The following SDK1 variants were observed in gnomAD, a reference collection of about 807,000 sequenced individuals.
SDK1 encodes sidekick cell adhesion molecule 1, also known as protein sidekick-1.
A neutral mutation model predicts 245.5 loss-of-function variants in SDK1; 157 were observed. The ratio of observed to expected loss-of-function variants is 0.64; its 90% CI spans 0.56 to 0.73. SDK1 has a LOEUF of 0.73. Among genes scored for constraint, SDK1 ranks in the 30% least tolerant of loss-of-function variants. SDK1 has a pLI of 0.00. For missense variants in SDK1, 3,583 were observed against 3,002.3 expected (o/e 1.19, Z -4.52); for synonymous variants, 1,647 against 1,278.5 (o/e 1.29, Z -6.15).
At chr7:3,365,675 A>G (rs557441069) in intron 1 of SDK1, among the ~76,000 whole-genome samples, 1 of 152,224 alleles carries the variant, frequency 6.6e-6, no homozygotes, top group Admixed American at 6.5e-5. Context: ...TGAAGGGCAT[A>G]GTCCTTTCAA....
At chr7:3,550,345 A>G (rs914892267) in intron 1 of SDK1, among the ~76,000 whole-genome samples, 4 of 152,174 alleles carry the variant, frequency 2.6e-5, no homozygotes, top group Admixed American at 2.0e-4. Context: ...TTCTAAATGT[A>G]GTCTCCAGAT....
At chr7:3,356,005 A>G (rs1197772427) in intron 1 of SDK1, among the ~76,000 whole-genome samples, 2 of 152,208 alleles carry the variant, frequency 1.3e-5, no homozygotes, top group Admixed American at 1.3e-4. Flanking sequence ...GCACTGAACA[A>G]ATAGACACCT....
At chr7:3,760,800 G>A (rs1013299876) in intron 4 of SDK1, among the ~76,000 whole-genome samples, 1 of 152,160 alleles carries the variant, frequency 6.6e-6, no homozygotes, top group South Asian at 2.1e-4. Flanking sequence ...AGGATCATAC[G>A]GCACGTAGCC....
At chr7:3,665,253 A>G (rs1026724551) in intron 4 of SDK1, among the ~76,000 whole-genome samples, 1 of 152,134 alleles carries the variant, frequency 6.6e-6, no homozygotes, top group Non-Finnish European at 1.5e-5. Context: ...ATCCCCACCT[A>G]CAGTGATGCC....
chr7:3,603,963 T>C (rs1781332926), intron 1 of SDK1, among the ~76,000 whole-genome samples: 1 of 152,222 alleles, frequency 6.6e-6, no homozygotes, highest in Non-Finnish European at 1.5e-5. Flanking sequence ...TCTTTGGTTC[T>C]GTTTATATGC....
At position 4,198,812 on chromosome 7, in the gene SDK1, C is replaced by CT. The variant is rs59266845; in HGVS notation, c.5099-7053dup. On this transcript the variant is annotated intron_variant, in intron 35 of 44. Transcript: ENST00000404826. ...TTTCTTTTTCTTTCTTTTTTCTTTG[C>CT]TTTTTTTTTTTTTTCCTTTGAGACA... is the stretch of plus-strand genomic sequence containing the variant. 4.3e-3 allele frequency among the ~76,000 whole-genome samples: 613 copies of CT among 142,346 alleles called. 1 individual carries two copies. The highest frequency in any genetic ancestry group is 6.6e-3 in the African/African-American group (253 of 38,580). The allele number at this position is 142,346 out of a possible 152,430, so 93.4% of individuals were successfully genotyped here.
At chr7:3,349,226 C>A (rs1472606243) in intron 1 of SDK1, among the ~76,000 whole-genome samples, 5 of 151,978 alleles carry the variant, frequency 3.3e-5, no homozygotes, top group African/African-American at 1.2e-4. Context: ...AAAACAAACA[C>A]ACAACAGCCT....
At chr7:4,019,183 C>G (rs1786667389) in intron 17 of SDK1, among the ~76,000 whole-genome samples, 1 of 152,168 alleles carries the variant, frequency 6.6e-6, no homozygotes, top group Admixed American at 6.5e-5. Context: ...CCTCAAAGTG[C>G]AGACAGTTTA....
chr7:3,891,327 G>A (rs546214541), intron 5 of SDK1, among the ~76,000 whole-genome samples: 2 of 152,282 alleles, frequency 1.3e-5, no homozygotes, highest in East Asian at 3.9e-4. Flanking sequence ...CCTCTGCCAG[G>A]TGCACTCTTC....
At chr7:4,148,561 A>G (rs1478794317) in intron 29 of SDK1, among the ~76,000 whole-genome samples, 2 of 152,226 alleles carry the variant, frequency 1.3e-5, no homozygotes, top group East Asian at 3.9e-4. Flanking sequence ...GAAGGAGGAA[A>G]TTCAGCGTTA....
At chr7:4,040,771 T>C (rs1381977150) in intron 17 of SDK1, among the ~76,000 whole-genome samples, 1 of 152,156 alleles carries the variant, frequency 6.6e-6, no homozygotes, top group East Asian at 1.9e-4. Context: ...GCGGATGGGT[T>C]ATCTCCCCCG....
intron 28 of SDK1, among the ~76,000 whole-genome samples, chr7:4,142,016 A>AAGTGCTGGGATCATAG (rs1779613774): frequency 6.6e-6 from 1 of 152,000 alleles, no homozygotes; most frequent in Non-Finnish European, 1.5e-5. Context: ...CGGCCTCCCA[A>AAGTGCTGGGATCATAG]AGTGCTGGGA....
intron 2 of SDK1, among the ~76,000 whole-genome samples, chr7:3,633,076 T>A (rs1274113993): frequency 6.6e-6 from 1 of 151,372 alleles, no homozygotes; most frequent in East Asian, 1.9e-4. Flanking sequence ...TTAACCCATA[T>A]TTTTTTTTCA....
chr7:3,854,405 G>C (rs1780491063), intron 5 of SDK1, among the ~76,000 whole-genome samples: 1 of 152,162 alleles, frequency 6.6e-6, no homozygotes, highest in Admixed American at 6.5e-5. Flanking sequence ...CTGCAACACA[G>C]TAGATGCTTG....
chr7:3,834,290 G>A (rs1250435543), intron 5 of SDK1, among the ~76,000 whole-genome samples: 1 of 152,212 alleles, frequency 6.6e-6, no homozygotes, highest in African/African-American at 2.4e-5. Flanking sequence ...GCTTGATGCC[G>A]AGGACACTTG....
intron 1 of SDK1, among the ~76,000 whole-genome samples, chr7:3,368,474 C>A (rs1294812228): frequency 6.6e-6 from 1 of 152,098 alleles, no homozygotes; most frequent in Admixed American, 6.5e-5. Flanking sequence ...TGAAGCAGAG[C>A]AATCAGTATG....
intron 4 of SDK1, among the ~76,000 whole-genome samples, chr7:3,672,971 T>G (rs555480761): frequency 3.8e-4 from 57 of 151,358 alleles, no homozygotes; most frequent in African/African-American, 1.3e-3. Context: ...TTACTTCCTC[T>G]TTTATTCCTT....
intron 15 of SDK1, among the ~76,000 whole-genome samples, chr7:4,011,702 C>CT (rs1481201369): frequency 6.6e-6 from 1 of 151,700 alleles, no homozygotes; most frequent in Non-Finnish European, 1.5e-5. Flanking sequence ...AAATGCCTTT[C>CT]TTTTTTTTTC....
intron 16 of SDK1, among the ~76,000 whole-genome samples, chr7:4,016,966 G>T (rs1365583751): frequency 6.6e-6 from 1 of 152,146 alleles, no homozygotes; most frequent in Non-Finnish European, 1.5e-5. Flanking sequence ...GTTCCATTTT[G>T]CCTTGAGCTT....
Sources: allele counts gnomAD v4.1 joint callset (sites outside exome capture counted in the v4.1 genomes callset), GRCh38; gene constraint gnomAD v4.1.1; transcripts MANE v1.5; gene names NCBI Gene and HGNC (gene_info 2026-07-23, HGNC 2026-07-21).